The following CPNE3 variants were observed in gnomAD, a reference collection of about 807,000 sequenced individuals.
CPNE3 encodes copine-3.
CPNE3 carries 68 observed loss-of-function variants against 63.9 expected under a neutral mutation model. The observed-to-expected ratio is 1.06, with a 90% CI of 0.87 to 1.30. The LOEUF (loss-of-function observed/expected upper bound fraction) is 1.30. CPNE3 is among the 50% of genes most tolerant of loss of function. The probability of loss-of-function intolerance (pLI) is 0.00; values close to 1 mark genes in which losing one functional copy is unlikely to be tolerated. For synonymous variants in CPNE3, 219 were observed against 197.5 expected (o/e 1.11, Z -0.91); for missense variants, 665 against 578.1 (o/e 1.15, Z -1.54).
rs36073581 is a variant in CPNE3 at position 86,522,548 on chromosome 8, C to CTT, written c.-10-5960_-10-5959dup. ...CAGCCATATTACCTGACGCCCGCTG[C>CTT]TTTTTTTTTTTTTTTTTTTTTTTTT... On this transcript the variant is annotated intron_variant, in intron 2 of 16. Transcript: ENST00000517490. Among the ~76,000 whole-genome samples the CTT allele has an allele frequency of 2.7e-3, 219 of 82,166 alleles. 25 individuals carry two copies. The highest frequency in any genetic ancestry group is 0.011 in the African/African-American group (176 of 16,304). 53.9% of individuals were successfully genotyped at this position (82,166 alleles called of 152,430 possible). A position where few individuals can be genotyped will look rare whatever the true frequency, so the allele number is the denominator to read the frequency against.
At chr8:86,548,232 T>G (rs1586846544) in intron 11 of CPNE3, 69 bp from the exon 12 acceptor site, 1 of 1,559,666 alleles carries the variant, frequency 6.4e-7, no homozygotes, top group Non-Finnish European at 8.7e-7. Context: ...TCTCTTGAAG[T>G]TTTCCTGGAC....
intron 12 of CPNE3, among the ~76,000 whole-genome samples, chr8:86,548,912 C>T (rs1821113256): frequency 6.6e-6 from 1 of 152,066 alleles, no homozygotes; most frequent in Non-Finnish European, 1.5e-5. Flanking sequence ...ATATCTATGT[C>T]CTTGGCAGTT....
intron 14 of CPNE3, among the ~76,000 whole-genome samples, chr8:86,552,738 C>T (rs1307109756): frequency 1.3e-5 from 2 of 150,668 alleles, no homozygotes; most frequent in Non-Finnish European, 2.9e-5. Context: ...TTAGAAATAA[C>T]TTGTTACTTT....
intron 2 of CPNE3, among the ~76,000 whole-genome samples, chr8:86,516,082 A>T (rs1448185528): frequency 3.9e-5 from 6 of 152,204 alleles, no homozygotes. Flanking sequence ...AATTGGAAAA[A>T]TACATCCCAC....
intron 6 of CPNE3, among the ~76,000 whole-genome samples, chr8:86,534,072 A>C (rs1364217377): frequency 6.6e-6 from 1 of 151,862 alleles, no homozygotes; most frequent in Non-Finnish European, 1.5e-5. Flanking sequence ...GCTGTAGTGC[A>C]TTATAATTAC....
At position 86,528,745 on chromosome 8, in the gene CPNE3, A is replaced by G. The variant is rs72690451; in HGVS notation, c.132+68A>G. The G allele has an allele frequency of 9.6e-3, 14,444 of 1,510,760 alleles. 101 individuals are homozygous for G. The highest frequency in any genetic ancestry group is 0.01 in the Non-Finnish European group (11,704 of 1,130,000). 93.6% of individuals were successfully genotyped at this position (1,510,760 alleles called of 1,614,324 possible). ...TTTTAACAATGTGAAGAGTTTTTTT[A>G]ATGTTAAAAATAACAACACTATCTC... On this transcript the variant is annotated intron_variant, in intron 3 of 16. Transcript: ENST00000517490.
intron 14 of CPNE3, among the ~76,000 whole-genome samples, chr8:86,553,766 T>TG (rs1030399359): frequency 6.6e-6 from 1 of 150,564 alleles, no homozygotes; most frequent in Non-Finnish European, 1.5e-5. Flanking sequence ...TTTTTTTTTT[T>TG]GTGGCAAGTA....
chr8:86,525,316 A>G (rs1820518357), intron 2 of CPNE3, among the ~76,000 whole-genome samples: 1 of 152,190 alleles, frequency 6.6e-6, no homozygotes, highest in African/African-American at 2.4e-5. Context: ...AAAGTATACT[A>G]TTGCTCTCTT....
rs1396553257 is a variant in CPNE3 at position 86,529,011 on chromosome 8, T to G, written c.199T>G (p.Tyr67Asp). ...PQFSKTFIID[Y>D]YFEVVQKLKF... ...ATTTTCCAAGACATTTATTATTGATTACTACTTTGAAGTGGTTCAGAAATT... is the reference window on the plus strand; with the variant it reads ...ATTTTCCAAGACATTTATTATTGATGACTACTTTGAAGTGGTTCAGAAATT... Residue 67 changes from tyrosine (Y) to aspartate (D), a missense_variant, in exon 4 of 17, where the codon TAC becomes GAC. Tyr to Asp is a radical substitution (Grantham distance 160). Coordinates refer to ENST00000517490, the MANE Select transcript of CPNE3 (RefSeq NM_003909.5). 7 of 1,613,742 alleles carry G rather than the reference T, an allele frequency of 4.3e-6. No individual in the cohort carries two copies. In the South Asian group the frequency reaches 7.7e-5, roughly 18 times the overall value.
chr8:86,535,487 G>C (rs534483724), intron 6 of CPNE3, among the ~76,000 whole-genome samples: 1 of 152,156 alleles, frequency 6.6e-6, no homozygotes, highest in Admixed American at 6.5e-5. Flanking sequence ...GGCCAACATG[G>C]TGAAACCCTG....
chr8:86,537,492 A>T (rs539471427), intron 6 of CPNE3, 71 bp from the exon 7 acceptor site: 2 of 925,522 alleles, frequency 2.2e-6, no homozygotes, highest in Non-Finnish European at 3.6e-6. Flanking sequence ...AACATGTGTA[A>T]AGTATGGTCA....
In CPNE3 at chr8:86,548,377, TTAA is replaced by T. The variant is rs773556174; in HGVS notation, c.958_960del (p.Asn320del). The T allele has an allele frequency of 3.6e-4, 576 of 1,614,164 alleles. 1 individual carries two copies. The highest frequency in any genetic ancestry group is 1.3e-3 in the South Asian group (121 of 91,084). On this transcript the variant is annotated inframe_deletion, in exon 12 of 17. Coordinates refer to ENST00000517490, the MANE Select transcript of CPNE3 (RefSeq NM_003909.5). ...CTTCATTACATCAGCCCCAATGGCG[TTAA>T]TGAGTATTTGACTGCTCTCTGGTCT...
intron 14 of CPNE3, chr8:86,551,504 TA>T (rs1821177807): frequency 3.0e-6 from 1 of 329,438 alleles, no homozygotes; most frequent in East Asian, 5.1e-5. Context: ...AGAACTTTAA[TA>T]GGACAAAAAC....
intron 14 of CPNE3, chr8:86,551,468 G>A: frequency 2.4e-6 from 1 of 424,020 alleles, no homozygotes; most frequent in East Asian, 3.6e-5. Flanking sequence ...GATGATGAAG[G>A]TGGTAAGCTA....
chr8:86,532,197 T>C (rs957100884), intron 5 of CPNE3, among the ~76,000 whole-genome samples: 1 of 152,208 alleles, frequency 6.6e-6, no homozygotes, highest in Admixed American at 6.5e-5. Context: ...ACTTCAGTAT[T>C]GTGTAGAGGG....
intron 6 of CPNE3, among the ~76,000 whole-genome samples, chr8:86,534,378 C>T (rs1463661349): frequency 1.3e-5 from 2 of 151,940 alleles, no homozygotes; most frequent in South Asian, 2.1e-4. Flanking sequence ...TCTGTAGGCC[C>T]GGTGTGGTGG....
intron 14 of CPNE3, among the ~76,000 whole-genome samples, chr8:86,552,304 G>A (rs2131496332): frequency 6.6e-6 from 1 of 152,260 alleles, no homozygotes; most frequent in South Asian, 2.1e-4. Flanking sequence ...CTTTTCCCCA[G>A]AACACTTTTT....
In CPNE3 at chr8:86,515,723, A is replaced by G. The variant is rs141245489; in HGVS notation, c.-11+224A>G. On this transcript the variant is annotated intron_variant, in intron 2 of 16. Transcript: ENST00000517490. ...AGAGATAAAATGTCACAAGGTTGCT[A>G]TGAGAATTAAATTAGATCCTACTTG... is the stretch of plus-strand genomic sequence containing the variant. Among the ~76,000 whole-genome samples, 22 of 152,318 alleles carry G rather than the reference A, an allele frequency of 1.4e-4. 1 individual carries two copies. The East Asian group carries it at 3.9e-3, about 27-fold the overall frequency.
Position 86,558,420 on chromosome 8 carries a change from CA to C in CPNE3, c.*11del, listed in dbSNP as rs754043877. On this transcript the variant is annotated 3_prime_UTR_variant, in exon 17 of 17. Transcript: ENST00000517490. ...ACAACAGAAGCAGTGACCACTTCAACAGAATTCTTTTGTGTTATGTGGAGCA... is the reference window on the plus strand; with the variant it reads ...ACAACAGAAGCAGTGACCACTTCAACGAATTCTTTTGTGTTATGTGGAGCA... 1 of 872,920 alleles carries C rather than the reference CA, an allele frequency of 1.1e-6. No homozygotes were observed. Among genetic ancestry groups the C allele is most frequent in the South Asian group, 1.3e-5 (1 of 76,538 alleles). 54.1% of individuals were successfully genotyped at this position (872,920 alleles called of 1,614,324 possible).
Sources: gnomAD v4.1 joint callset for allele counts (sites outside exome capture counted in the v4.1 genomes callset) on GRCh38, gnomAD v4.1.1 for gene constraint, MANE v1.5 for transcripts, NCBI Gene and HGNC (gene_info 2026-07-23, HGNC 2026-07-21) for gene names.